Variants in KCNQ3 observed in about 807,000 individuals in gnomAD.
KCNQ3 encodes potassium voltage-gated channel subfamily Q member 3, also known as potassium voltage-gated channel subfamily KQT member 3.
Under a neutral mutation model 92.5 loss-of-function variants are expected in KCNQ3, and 30 were observed. That is an observed-to-expected ratio of 0.32 (90% CI 0.24 to 0.44). KCNQ3 has a LOEUF of 0.44. KCNQ3 is among the 20% of genes least tolerant of loss of function. KCNQ3 has a pLI of 1.00. For synonymous variants in KCNQ3, 450 were observed against 468.8 expected (o/e 0.96, Z 0.52); for missense variants, 913 against 1,140.3 (o/e 0.80, Z 2.87).
intron 5 of KCNQ3, 85 bp downstream of exon 5, chr8:132,175,368 T>G: frequency 4.1e-6 from 6 of 1,472,644 alleles, no homozygotes; most frequent in Non-Finnish European, 5.7e-6. Flanking sequence ...GCTGCCTGGC[T>G]GAACATGCTC....
chr8:132,295,477 A>G (rs748957733), intron 1 of KCNQ3, among the ~76,000 whole-genome samples: 4 of 152,250 alleles, frequency 2.6e-5, no homozygotes, highest in Non-Finnish European at 4.4e-5. Flanking sequence ...CCATGTGGCA[A>G]TTCCTCAAAG....
At chr8:132,137,793 T>C (rs1312840382) in intron 12 of KCNQ3, 92 bp downstream of exon 12, 23 of 1,465,182 alleles carry the variant, frequency 1.6e-5, no homozygotes, top group African/African-American at 1.4e-5. Context: ...TCTCCCTGCA[T>C]TTTGAATTAT....
chr8:132,123,037 G>A lies in KCNQ3; in HGVS notation c.*6225C>T, dbSNP rs916305463. On this transcript the variant is annotated 3_prime_UTR_variant, in exon 15 of 15. Coordinates refer to ENST00000388996, the MANE Select transcript of KCNQ3 (RefSeq NM_004519.4). ...AAGCTGTGTTCAAATGAGACCCAGA[G>A]ATCCCAGTGCAAAGGGACACCTTTG... The A allele has an allele frequency of 6.6e-6, 1 of 152,164 alleles. No homozygotes were observed. The highest frequency in any genetic ancestry group is 2.4e-5 in the African/African-American group (1 of 41,430). The allele number at this position is 152,164 out of a possible 1,614,324, so 9.4% of individuals were successfully genotyped here. A position where few individuals can be genotyped will look rare whatever the true frequency, so the allele number is the denominator to read the frequency against.
intron 1 of KCNQ3, among the ~76,000 whole-genome samples, chr8:132,439,981 A>G (rs1456210158): frequency 2.0e-5 from 3 of 152,186 alleles, no homozygotes; most frequent in African/African-American, 7.2e-5. Context: ...CAGATGCTCA[A>G]TCCTTAATAC....
intron 1 of KCNQ3, among the ~76,000 whole-genome samples, chr8:132,205,147 A>C (rs2130275490): frequency 6.6e-6 from 1 of 152,334 alleles, no homozygotes; most frequent in South Asian, 2.1e-4. Context: ...ATTGTATCTG[A>C]GAGCTGGATG....
rs904759210 is a variant in KCNQ3 at position 132,126,907 on chromosome 8, T to TAA, written c.*2353_*2354dup. ...ATAGTAAGTTCTTCAAGAATACTAA[T>TAA]AAGTAAGTTAAAAAATTAATTGGCG... On this transcript the variant is annotated 3_prime_UTR_variant, in exon 15 of 15. Coordinates refer to ENST00000388996, the MANE Select transcript of KCNQ3 (RefSeq NM_004519.4). The TAA allele has an allele frequency of 3.0e-4, 45 of 152,220 alleles. No individual in the cohort carries two copies. The highest frequency in any genetic ancestry group is 1.1e-3 in the African/African-American group (45 of 41,464). 9.4% of individuals were successfully genotyped at this position (152,220 alleles called of 1,614,324 possible).
chr8:132,420,917 CA>C (rs200829197), intron 1 of KCNQ3, among the ~76,000 whole-genome samples: 1 of 150,146 alleles, frequency 6.7e-6, no homozygotes, highest in African/African-American at 2.5e-5. Context: ...TGTAGAGATG[CA>C]AAAAAAACAA....
At chr8:132,239,251 C>T (rs967028979) in intron 1 of KCNQ3, among the ~76,000 whole-genome samples, 7 of 152,172 alleles carry the variant, frequency 4.6e-5, no homozygotes, top group East Asian at 1.9e-4. Context: ...TAATTTGATT[C>T]GATGGGCTGA....
intron 1 of KCNQ3, among the ~76,000 whole-genome samples, chr8:132,465,306 G>T (rs1267901606): frequency 6.6e-6 from 1 of 152,164 alleles, no homozygotes; most frequent in African/African-American, 2.4e-5. Flanking sequence ...TATCACAAAA[G>T]CCACTCAGAA....
At chr8:132,287,149 T>G (rs1816700777) in intron 1 of KCNQ3, among the ~76,000 whole-genome samples, 1 of 152,250 alleles carries the variant, frequency 6.6e-6, no homozygotes, top group South Asian at 2.1e-4. Flanking sequence ...CCTCTAACTT[T>G]GTAATGGAAA....
At chr8:132,254,292 G>C (rs959820438) in intron 1 of KCNQ3, among the ~76,000 whole-genome samples, 1 of 152,198 alleles carries the variant, frequency 6.6e-6, no homozygotes, top group Non-Finnish European at 1.5e-5. Context: ...TTACACAAAT[G>C]AGTGATTGGT....
chr8:132,167,483 A>G (rs1360142154), intron 8 of KCNQ3, among the ~76,000 whole-genome samples: 1 of 152,228 alleles, frequency 6.6e-6, no homozygotes, highest in African/African-American at 2.4e-5. Flanking sequence ...TATTAAAACA[A>G]GCATAAACAA....
intron 1 of KCNQ3, among the ~76,000 whole-genome samples, chr8:132,326,818 T>C (rs924433765): frequency 1.3e-5 from 2 of 152,200 alleles, no homozygotes; most frequent in East Asian, 1.9e-4. Context: ...CAGTCCCAGG[T>C]ATTTTGTTAT....
intron 1 of KCNQ3, among the ~76,000 whole-genome samples, chr8:132,459,909 T>A (rs923469810): frequency 2.6e-5 from 4 of 152,166 alleles, no homozygotes; most frequent in Non-Finnish European, 4.4e-5. Context: ...ATTTGTTATA[T>A]ATCAGTATGG....
intron 1 of KCNQ3, among the ~76,000 whole-genome samples, chr8:132,393,178 T>C (rs180744013): frequency 6.6e-6 from 1 of 152,322 alleles, no homozygotes; most frequent in Non-Finnish European, 1.5e-5. Context: ...AGCCACTCTA[T>C]CTAAATAGCC....
At chr8:132,192,710 C>T (rs764841821) in intron 1 of KCNQ3, among the ~76,000 whole-genome samples, 3 of 152,212 alleles carry the variant, frequency 2.0e-5, no homozygotes, top group Non-Finnish European at 2.9e-5. Flanking sequence ...AGTGCAGTGA[C>T]GCAATCTCCG....
At chr8:132,187,875 A>T (rs1439054984) in intron 1 of KCNQ3, among the ~76,000 whole-genome samples, 32 of 21,022 alleles carry the variant, frequency 1.5e-3, no homozygotes, top group Non-Finnish European at 2.7e-3. Flanking sequence ...TGGTGGTGAT[A>T]GTGATGGTGG....
At chr8:132,302,645 C>T (rs1191828863) in intron 1 of KCNQ3, among the ~76,000 whole-genome samples, 2 of 152,192 alleles carry the variant, frequency 1.3e-5, no homozygotes, top group Non-Finnish European at 2.9e-5. Context: ...AGGGTTGACC[C>T]CAAACTAGGC....
intron 1 of KCNQ3, among the ~76,000 whole-genome samples, chr8:132,352,685 T>C (rs745674976): frequency 5.3e-5 from 8 of 152,210 alleles, no homozygotes; most frequent in Non-Finnish European, 1.0e-4. Context: ...TGATTTTATT[T>C]TTCATTTTTT....
Sources: allele counts gnomAD v4.1 joint callset (sites outside exome capture counted in the v4.1 genomes callset), GRCh38; gene constraint gnomAD v4.1.1; transcripts MANE v1.5; gene names NCBI Gene and HGNC (gene_info 2026-07-23, HGNC 2026-07-21).